Variants in GLRA1 observed in about 807,000 individuals in gnomAD.
The protein encoded by GLRA1 is glycine receptor subunit alpha-1.
GLRA1 carries 37 observed loss-of-function variants against 48.3 expected under a neutral mutation model. The observed-to-expected ratio is 0.77, with a 90% CI of 0.59 to 1.01. GLRA1 has a LOEUF of 1.01. Ranked by LOEUF, GLRA1 falls within the 50% of genes least tolerant of loss-of-function variation. The probability of loss-of-function intolerance (pLI) is 0.00; values close to 1 mark genes in which losing one functional copy is unlikely to be tolerated. For missense variants in GLRA1, 427 were observed against 571.0 expected (o/e 0.75, Z 2.57); for synonymous variants, 196 against 210.7 (o/e 0.93, Z 0.60).
chr5:151,835,506 A>C (rs1429015125), intron 7 of GLRA1, among the ~76,000 whole-genome samples: 1 of 152,200 alleles, frequency 6.6e-6, no homozygotes. Flanking sequence ...AGACACAACA[A>C]AAAAAGAGAA....
chr5:151,915,906 G>A (rs1427220745), intron 1 of GLRA1, among the ~76,000 whole-genome samples: 1 of 152,112 alleles, frequency 6.6e-6, no homozygotes, highest in Non-Finnish European at 1.5e-5. Flanking sequence ...ATCTGGCCAA[G>A]AGTAGGAAGA....
chr5:151,828,331 A>G (rs1430417450), intron 8 of GLRA1, among the ~76,000 whole-genome samples: 2 of 152,210 alleles, frequency 1.3e-5, no homozygotes, highest in Non-Finnish European at 2.9e-5. Flanking sequence ...CATGCTCCCC[A>G]TTGGCATTCT....
At chr5:151,920,619 C>T (rs1463382040) in intron 1 of GLRA1, among the ~76,000 whole-genome samples, 1 of 152,106 alleles carries the variant, frequency 6.6e-6, no homozygotes, top group African/African-American at 2.4e-5. Context: ...AGGGAGTAGA[C>T]TCTCTTTTTG....
At chr5:151,849,938 A>G (rs972416838) in intron 7 of GLRA1, 4 of 1,560,104 alleles carry the variant, frequency 2.6e-6, no homozygotes, top group Non-Finnish European at 3.5e-6. Flanking sequence ...GTTTTGGGAT[A>G]CCTTCAGTAA....
chr5:151,860,769 C>A (rs937172347), intron 3 of GLRA1, among the ~76,000 whole-genome samples: 3 of 152,102 alleles, frequency 2.0e-5, no homozygotes, highest in Admixed American at 1.3e-4. Context: ...GGTACATGTG[C>A]ACAACGTGCA....
intron 1 of GLRA1, among the ~76,000 whole-genome samples, chr5:151,898,339 G>T (rs1378135831): frequency 6.6e-6 from 1 of 151,854 alleles, no homozygotes; most frequent in Non-Finnish European, 1.5e-5. Flanking sequence ...GGGCCAACCT[G>T]TTTCTCAAGG....
At chr5:151,858,885 A>G (rs983569378) in intron 4 of GLRA1, among the ~76,000 whole-genome samples, 3 of 152,220 alleles carry the variant, frequency 2.0e-5, no homozygotes, top group African/African-American at 7.2e-5. Flanking sequence ...TTGATCAAAT[A>G]TTTGAGTGCC....
chr5:151,845,328 G>A (rs1490744746), intron 7 of GLRA1, among the ~76,000 whole-genome samples: 1 of 152,102 alleles, frequency 6.6e-6, no homozygotes, highest in Non-Finnish European at 1.5e-5. Context: ...TCTAATAAAG[G>A]TCTAAAATCC....
At chr5:151,857,551 G>A (rs547649385) in intron 4 of GLRA1, among the ~76,000 whole-genome samples, 261 of 152,210 alleles carry the variant, frequency 1.7e-3, no homozygotes, top group Middle Eastern at 6.8e-3. Flanking sequence ...TCACACACAG[G>A]GCTCATCAAA....
chr5:151,899,557 C>T (rs1164199989), intron 1 of GLRA1, among the ~76,000 whole-genome samples: 2 of 152,104 alleles, frequency 1.3e-5, no homozygotes, highest in African/African-American at 4.8e-5. Context: ...AGTTTCCCAT[C>T]CCCGGCTCTG....
intron 3 of GLRA1, among the ~76,000 whole-genome samples, chr5:151,885,523 A>G (rs1207690553): frequency 6.6e-6 from 1 of 152,232 alleles, no homozygotes; most frequent in Non-Finnish European, 1.5e-5. Flanking sequence ...GAGGCTTTCT[A>G]TGGAAATAAT....
At chr5:151,843,976 C>A (rs1752587730) in intron 7 of GLRA1, among the ~76,000 whole-genome samples, 1 of 151,808 alleles carries the variant, frequency 6.6e-6, no homozygotes, top group South Asian at 2.1e-4. Flanking sequence ...TTGAGACCAG[C>A]CTGGACAACA....
chr5:151,879,435 ACTTCC>A (rs1355102623), intron 3 of GLRA1, among the ~76,000 whole-genome samples: 2 of 151,994 alleles, frequency 1.3e-5, no homozygotes, highest in African/African-American at 4.8e-5. Context: ...GCTCACTGCA[ACTTCC>A]GCCTCCTGGG....
chr5:151,838,432 G>A (rs764585222), intron 7 of GLRA1, among the ~76,000 whole-genome samples: 16 of 152,116 alleles, frequency 1.1e-4, no homozygotes, highest in Admixed American at 6.5e-5. Context: ...TCGTATCACC[G>A]CACTCTAGCC....
chr5:151,874,598 A>T (rs62394156), intron 3 of GLRA1, among the ~76,000 whole-genome samples: 5,318 of 152,290 alleles, frequency 0.035, 160 homozygotes, highest in Non-Finnish European at 0.05. Flanking sequence ...ACTCCAGCTG[A>T]AAAAGCCAAT....
intron 1 of GLRA1, among the ~76,000 whole-genome samples, chr5:151,921,398 T>C (rs1754869769): frequency 6.6e-6 from 1 of 152,212 alleles, no homozygotes; most frequent in African/African-American, 2.4e-5. Context: ...AGGATGTATA[T>C]TTGGCAAGGT....
intron 1 of GLRA1, among the ~76,000 whole-genome samples, chr5:151,921,705 A>T (rs1754878753): frequency 6.6e-6 from 1 of 152,164 alleles, no homozygotes; most frequent in South Asian, 2.1e-4. Flanking sequence ...TTCTACCATT[A>T]AAAAAATTTG....
intron 2 of GLRA1, among the ~76,000 whole-genome samples, chr5:151,891,250 C>A (rs1420432660): frequency 6.6e-6 from 1 of 152,158 alleles, no homozygotes; most frequent in Non-Finnish European, 1.5e-5. Flanking sequence ...CTCTGCTCGG[C>A]AGTTTGAGAT....
intron 3 of GLRA1, among the ~76,000 whole-genome samples, chr5:151,884,194 C>T (rs922991028): frequency 2.0e-5 from 3 of 152,032 alleles, no homozygotes; most frequent in East Asian, 3.9e-4. Context: ...TTTGGGAGGC[C>T]GAGGTGGGTG....
Sources: gnomAD v4.1 joint callset for allele counts (sites outside exome capture counted in the v4.1 genomes callset) on GRCh38, gnomAD v4.1.1 for gene constraint, MANE v1.5 for transcripts, NCBI Gene and HGNC (gene_info 2026-07-23, HGNC 2026-07-21) for gene names.